RCL1: variants seen among roughly 807,000 people sequenced by gnomAD.
RCL1 encodes the protein RNA terminal phosphate cyclase like 1.
Under a neutral mutation model 42.4 loss-of-function variants are expected in RCL1, and 24 were observed. That is an observed-to-expected ratio of 0.57 (90% CI 0.41 to 0.80). RCL1 has a LOEUF of 0.80. Ranked by LOEUF, RCL1 falls within the 30% of genes least tolerant of loss-of-function variation. The pLI is 0.00. For synonymous variants in RCL1, 228 were observed against 177.3 expected (o/e 1.29, Z -2.27); for missense variants, 578 against 467.9 (o/e 1.24, Z -2.17).
intron 5 of RCL1, among the ~76,000 whole-genome samples, chr9:4,838,394 G>A (rs190973699): frequency 5.3e-4 from 81 of 152,328 alleles, no homozygotes; most frequent in African/African-American, 1.6e-3. Flanking sequence ...TATGTGGGGC[G>A]TAAGAGAAAG....
intron 1 of RCL1, among the ~76,000 whole-genome samples, chr9:4,823,066 A>C (rs1484490100): frequency 6.6e-6 from 1 of 152,302 alleles, no homozygotes; most frequent in South Asian, 2.1e-4. Context: ...AAAGGCAGAG[A>C]TAGTGATCTC....
intron 8 of RCL1, chr9:4,850,415 T>G (rs1441714428): frequency 2.0e-6 from 1 of 490,276 alleles, no homozygotes; most frequent in Admixed American, 2.0e-5. Flanking sequence ...GCGGTGGGGC[T>G]ATGCACCCTT....
At position 4,820,141 on chromosome 9, in the gene RCL1, A is replaced by G. The variant is rs1816539890; in HGVS notation, c.137-3407A>G. Among the ~76,000 whole-genome samples the G allele has an allele frequency of 2.0e-5, 3 of 152,298 alleles. No individual in the cohort carries two copies. The South Asian group carries it at 6.2e-4, about 32-fold the overall frequency. On this transcript the variant is annotated intron_variant, in intron 1 of 8. Transcript: ENST00000381750. The stretch of plus-strand genomic sequence containing the variant: ...ATGTATTCATAAACAGTGTAGTAAA[A>G]TTGTGCTTGTTTTTGGAGCTTTTCC...
chr9:4,827,426 G>C (rs1158667625), intron 3 of RCL1: 2 of 478,018 alleles, frequency 4.2e-6, no homozygotes, highest in Non-Finnish European at 3.7e-6. Context: ...TAGCTCCTTG[G>C]CATTGTTACA....
chr9:4,823,682 T>C (rs2130999498), intron 2 of RCL1, 63 bp downstream of exon 2: 2 of 1,153,806 alleles, frequency 1.7e-6, no homozygotes, highest in East Asian at 2.5e-5. Flanking sequence ...TTTCTCACTC[T>C]TTTTTTTCTT....
At chr9:4,826,125 G>A (rs557754499) in intron 2 of RCL1, among the ~76,000 whole-genome samples, 8 of 152,058 alleles carry the variant, frequency 5.3e-5, no homozygotes, top group Admixed American at 2.6e-4. Context: ...TTAGCTGGTC[G>A]TGGTCCCAGC....
intron 8 of RCL1, among the ~76,000 whole-genome samples, chr9:4,855,387 G>A (rs1418475679): frequency 6.6e-6 from 1 of 152,048 alleles, no homozygotes; most frequent in East Asian, 1.9e-4. Context: ...GTGTGTGGCT[G>A]TGTGGTTGTG....
rs184411845 is a variant in RCL1, at chr9:4,827,072, T to C, written c.384+39T>C. The stretch of plus-strand genomic sequence containing the variant: ...ACAAACCGTGGTGTGGTTTTTGTTT[T>C]GTCTCTTGTCACAACCCAACTTGTG... On this transcript the variant is annotated intron_variant, in intron 3 of 8. Transcript: ENST00000381750. The C allele has an allele frequency of 5.7e-5, 92 of 1,613,616 alleles. No individual in the cohort carries two copies. The East Asian group carries it at 1.9e-3, about 33-fold the overall frequency.
At chr9:4,836,983 G>A (rs1392394489) in intron 5 of RCL1, among the ~76,000 whole-genome samples, 1 of 152,162 alleles carries the variant, frequency 6.6e-6, no homozygotes, top group African/African-American at 2.4e-5. Context: ...GTGTGTACCA[G>A]GAGAGAACAG....
Position 4,823,456 on chromosome 9 carries a change from A to G in RCL1, c.137-92A>G, listed in dbSNP as rs56358631. On this transcript the variant is annotated intron_variant, in intron 1 of 8. Transcript: ENST00000381750. Reference sequence around the variant, plus strand: ...CAGGAAGTAACCTGCCCTCTACCACAGTACCTGAATCAGGCATGTGCTCTG... The same window carrying G: ...CAGGAAGTAACCTGCCCTCTACCACGGTACCTGAATCAGGCATGTGCTCTG... The G allele has an allele frequency of 8.0e-3, 7,701 of 956,916 alleles. 292 individuals are homozygous for G. In the African/African-American group the frequency reaches 0.095, roughly 12 times the overall value. The allele number at this position is 956,916 out of a possible 1,614,324, so 59.3% of individuals were successfully genotyped here. A position where few individuals can be genotyped will look rare whatever the true frequency, so the allele number is the denominator to read the frequency against.
At chr9:4,801,125 C>A (rs1842993393) in intron 1 of RCL1, among the ~76,000 whole-genome samples, 1 of 152,172 alleles carries the variant, frequency 6.6e-6, no homozygotes, top group Non-Finnish European at 1.5e-5. Context: ...AGTGAAACAT[C>A]TTTCCAAGTC....
At chr9:4,857,189 A>G (rs1398698223) in intron 8 of RCL1, among the ~76,000 whole-genome samples, 3 of 152,192 alleles carry the variant, frequency 2.0e-5, no homozygotes, top group Non-Finnish European at 2.9e-5. Context: ...CACAGCCACA[A>G]TCTAATTTTA....
chr9:4,839,870 G>A, intron 5 of RCL1: 1 of 985,628 alleles, frequency 1.0e-6, no homozygotes, highest in Non-Finnish European at 1.2e-6. Context: ...GTAAGTTCAA[G>A]TGGAGCTAAC....
intron 1 of RCL1, among the ~76,000 whole-genome samples, chr9:4,808,055 T>C (rs977134983): frequency 3.3e-5 from 5 of 152,186 alleles, no homozygotes; most frequent in Non-Finnish European, 7.3e-5. Flanking sequence ...CTATAAATGT[T>C]GATTAGATCC....
At chr9:4,823,227 C>CT (rs1816652377) in intron 1 of RCL1, among the ~76,000 whole-genome samples, 1 of 150,280 alleles carries the variant, frequency 6.7e-6, no homozygotes. Flanking sequence ...AAGAATAGGT[C>CT]TTAAGGGTTT....
At chr9:4,828,165 CA>C (rs147771721) in intron 3 of RCL1, among the ~76,000 whole-genome samples, 2,658 of 50,746 alleles carry the variant, frequency 0.052, 33 homozygotes, top group African/African-American at 0.13. Flanking sequence ...GACTCCGTCT[CA>C]AAAAAAAAAA....
intron 1 of RCL1, among the ~76,000 whole-genome samples, chr9:4,809,807 G>GT (rs1052791038): frequency 6.6e-6 from 1 of 151,868 alleles, no homozygotes; most frequent in African/African-American, 2.4e-5. Context: ...ACATGATTGG[G>GT]TTTTTTCTTT....
chr9:4,818,200 C>T (rs1203550877), intron 1 of RCL1, among the ~76,000 whole-genome samples: 4 of 152,126 alleles, frequency 2.6e-5, no homozygotes, highest in African/African-American at 7.2e-5. Flanking sequence ...GGATTACAGG[C>T]ATAAGCCACC....
At chr9:4,794,163 C>G (rs532168266) in intron 1 of RCL1, among the ~76,000 whole-genome samples, 2 of 152,334 alleles carry the variant, frequency 1.3e-5, no homozygotes, top group Admixed American at 1.3e-4. Context: ...TGGAAGCTTC[C>G]TGAGCGGCGC....
Sources: gnomAD v4.1 joint callset for allele counts (sites outside exome capture counted in the v4.1 genomes callset) on GRCh38, gnomAD v4.1.1 for gene constraint, MANE v1.5 for transcripts, NCBI Gene and HGNC (gene_info 2026-07-23, HGNC 2026-07-21) for gene names.